The following GRAMD4 variants were observed in gnomAD, a reference collection of about 807,000 sequenced individuals.
The protein encoded by GRAMD4 is GRAM domain containing 4.
GRAMD4 carries 25 observed loss-of-function variants against 83.9 expected under a neutral mutation model. The observed-to-expected ratio is 0.30, with a 90% CI of 0.22 to 0.42. The LOEUF is 0.42. Among genes scored for constraint, GRAMD4 ranks in the 10% least tolerant of loss-of-function variants. GRAMD4 has a pLI of 1.00. For synonymous variants in GRAMD4, 336 were observed against 320.9 expected (o/e 1.05, Z -0.50); for missense variants, 593 against 788.7 (o/e 0.75, Z 2.97).
chr22:46,661,586 C>G (rs1439226922), intron 5 of GRAMD4, 144 bp downstream of exon 5: 1 of 643,344 alleles, frequency 1.6e-6, no homozygotes, highest in East Asian at 2.7e-5. Flanking sequence ...GGTTCTGTGC[C>G]CAGGCACCTG....
intron 14 of GRAMD4, 92 bp downstream of exon 14, chr22:46,673,089 C>A: frequency 1.0e-6 from 1 of 1,003,784 alleles, no homozygotes; most frequent in Non-Finnish European, 1.4e-6. Context: ...ACCTCCGGCT[C>A]ATTTAGAGGC....
intron 1 of GRAMD4, among the ~76,000 whole-genome samples, chr22:46,597,109 T>C (rs894104128): frequency 2.6e-5 from 4 of 152,146 alleles, no homozygotes; most frequent in Non-Finnish European, 2.9e-5. Flanking sequence ...TTGGGTCCTT[T>C]GGAGAGCTGC....
chr22:46,656,443 C>T (rs920668594), intron 3 of GRAMD4, among the ~76,000 whole-genome samples: 1 of 152,184 alleles, frequency 6.6e-6, no homozygotes, highest in African/African-American at 2.4e-5. Flanking sequence ...CTGGGCACGG[C>T]CCCCTGCTGT....
chr22:46,668,857 G>A lies in GRAMD4; in HGVS notation c.1033G>A (p.Ala345Thr). The change falls in exon 13 of 19, where the codon GCC becomes ACC. Residue 345 changes from alanine to threonine, a missense_variant. Ala to Thr is a moderately conservative substitution (Grantham distance 58). Transcript: ENST00000406902. ...TQKLYVALWA[A>T]FLASCFFPYR... ...GAAGCTGTATGTGGCGCTCTGGGCTGCCTTCCTGGCCTCCTGCTTCTTCCC... is the reference window on the plus strand; with the variant it reads ...GAAGCTGTATGTGGCGCTCTGGGCTACCTTCCTGGCCTCCTGCTTCTTCCC... 6.2e-7 allele frequency: 1 copy of A among 1,612,790 alleles called. No individual in the cohort carries two copies. The highest frequency in any genetic ancestry group is 1.6e-4 in the Middle Eastern group (1 of 6,062).
intron 2 of GRAMD4, among the ~76,000 whole-genome samples, chr22:46,633,677 A>G (rs1364605927): frequency 6.6e-6 from 1 of 152,200 alleles, no homozygotes; most frequent in Non-Finnish European, 1.5e-5. Context: ...CTGCCTTGTC[A>G]CCAAGAAGAA....
Position 46,677,261 on chromosome 22 carries a change from G to C in GRAMD4, c.*10G>C. The C allele has an allele frequency of 6.3e-7, 1 of 1,580,302 alleles. No homozygotes were observed. Among genetic ancestry groups the C allele is most frequent in the Non-Finnish European group, 8.5e-7 (1 of 1,171,314 alleles). Reference sequence around the variant, plus strand: ...TGGCGGGGACAGCTAGTATTGACTTGCCCAGGACGTTGCTGGAATTTTCTT... The same window carrying C: ...TGGCGGGGACAGCTAGTATTGACTTCCCCAGGACGTTGCTGGAATTTTCTT... On this transcript the variant is annotated 3_prime_UTR_variant, in exon 19 of 19. Transcript: ENST00000406902.
intron 3 of GRAMD4, among the ~76,000 whole-genome samples, chr22:46,647,884 A>C (rs576016496): frequency 6.6e-6 from 1 of 152,370 alleles, no homozygotes; most frequent in African/African-American, 2.4e-5. Context: ...GTACTGATGC[A>C]GCAGTTGGCA....
rs545054474 is a variant in GRAMD4 at position 46,678,004 on chromosome 22, C to T, written c.*753C>T. Reference sequence around the variant, plus strand: ...GCCTGCTGCTCTCGGCCTGACACGCCGGCCAGGAGGTCTGTAGCTGGGGAC... The same window carrying T: ...GCCTGCTGCTCTCGGCCTGACACGCTGGCCAGGAGGTCTGTAGCTGGGGAC... On this transcript the variant is annotated 3_prime_UTR_variant, in exon 19 of 19. Transcript: ENST00000406902. The T allele has an allele frequency of 7.3e-5, 72 of 985,706 alleles. No individual in the cohort carries two copies. The highest frequency in any genetic ancestry group is 5.2e-4 in the Middle Eastern group (1 of 1,914). The allele number at this position is 985,706 out of a possible 1,614,324, so 61.1% of individuals were successfully genotyped here.
intron 4 of GRAMD4, among the ~76,000 whole-genome samples, chr22:46,660,114 A>G (rs566112740): frequency 6.6e-6 from 1 of 152,278 alleles, no homozygotes; most frequent in East Asian, 1.9e-4. Flanking sequence ...TCTGGTCCTC[A>G]TCTTTTACCA....
intron 2 of GRAMD4, among the ~76,000 whole-genome samples, chr22:46,631,086 T>A (rs2081768643): frequency 6.6e-6 from 1 of 152,266 alleles, no homozygotes; most frequent in Non-Finnish European, 1.5e-5. Context: ...TGCACGGCTT[T>A]TATTGTGCAG....
intron 3 of GRAMD4, among the ~76,000 whole-genome samples, chr22:46,654,808 C>T (rs777520003): frequency 2.6e-5 from 4 of 152,298 alleles, no homozygotes; most frequent in Admixed American, 1.3e-4. Context: ...ATGGTGACAC[C>T]GGGGTGGTCC....
At chr22:46,645,801 A>G (rs1021075754) in intron 3 of GRAMD4, among the ~76,000 whole-genome samples, 7 of 152,186 alleles carry the variant, frequency 4.6e-5, no homozygotes, top group Non-Finnish European at 1.0e-4. Flanking sequence ...TAAAAGCATC[A>G]TGCGTTTTTA....
Position 46,668,895 on chromosome 22 carries a change from G to T in GRAMD4, c.1071G>T (p.Val357=). 6.2e-7 allele frequency: 1 copy of T among 1,603,874 alleles called. No individual in the cohort carries two copies. The highest frequency in any genetic ancestry group is 8.5e-7 in the Non-Finnish European group (1 of 1,172,206). ...LASCFFPYRL[V]GLAVGLYAGI... The stretch of plus-strand genomic sequence containing the variant: ...CCTGCTTCTTCCCCTACCGCCTGGT[G>T]GGGCTTGCCGTGGGTAAGTAGATGC... Residue 357 remains valine (V), a synonymous_variant, in exon 13 of 19, where the codon GTG becomes GTT. Coordinates refer to ENST00000406902, the MANE Select transcript of GRAMD4 (RefSeq NM_015124.5).
chr22:46,675,568 CACCCCCACTA>C lies in GRAMD4; in HGVS notation c.1563+23_1563+32del. On this transcript the variant is annotated intron_variant, in intron 17 of 18. Coordinates refer to ENST00000406902, the MANE Select transcript of GRAMD4 (RefSeq NM_015124.5). Reference sequence around the variant, plus strand: ...CATCCAGAAGGTTGGTGCACCTACCCACCCCCACTAACCCCCGTGTTTTCTTCGTCACCTG... The same window carrying C: ...CATCCAGAAGGTTGGTGCACCTACCCACCCCCGTGTTTTCTTCGTCACCTG... 2 of 1,510,572 alleles carry C rather than the reference CACCCCCACTA, an allele frequency of 1.3e-6. No homozygotes were observed. The highest frequency in any genetic ancestry group is 1.8e-6 in the Non-Finnish European group (2 of 1,085,808). The allele number at this position is 1,510,572 out of a possible 1,614,324, so 93.6% of individuals were successfully genotyped here. A position where few individuals can be genotyped will look rare whatever the true frequency, so the allele number is the denominator to read the frequency against.
At position 46,673,752 on chromosome 22, in the gene GRAMD4, G is replaced by A; in HGVS notation, c.1322G>A (p.Ser441Asn). The stretch of plus-strand genomic sequence containing the variant: ...GAGGAGGACGCCGGTCGCTTCCACA[G>A]CACCAAGAAGGGCAATTTCCACGAG... ...GKEEDAGRFH[S>N]TKKGNFHEIF... The change falls in exon 15 of 19, where the codon AGC (serine) becomes AAC (asparagine). Residue 441 changes from serine to asparagine, a missense_variant. Ser to Asn is a conservative substitution (Grantham distance 46). Transcript: ENST00000406902. 6.2e-7 allele frequency: 1 copy of A among 1,613,036 alleles called. No homozygotes were observed. Among genetic ancestry groups the A allele is most frequent in the Non-Finnish European group, 8.5e-7 (1 of 1,179,942 alleles).
At position 46,678,798 on chromosome 22, in the gene GRAMD4, G is replaced by A. The variant is rs2082635749; in HGVS notation, c.*1547G>A. 1 of 986,230 alleles carries A rather than the reference G, an allele frequency of 1.0e-6. No individual in the cohort carries two copies. The highest frequency in any genetic ancestry group is 4.7e-5 in the South Asian group (1 of 21,298). The allele number at this position is 986,230 out of a possible 1,614,324, so 61.1% of individuals were successfully genotyped here. ...GCTGGTTTCACCCCCTTCACGAGGG[G>A]CCGCAGAGTCACACGCTGGTGCCGG... On this transcript the variant is annotated 3_prime_UTR_variant, in exon 19 of 19. Transcript: ENST00000406902.
intron 2 of GRAMD4, among the ~76,000 whole-genome samples, chr22:46,634,050 T>C (rs2081820356): frequency 6.6e-6 from 1 of 152,212 alleles, no homozygotes; most frequent in South Asian, 2.1e-4. Context: ...ACAGGCCCAC[T>C]GGCCCCAGGC....
At chr22:46,624,648 G>A (rs575661176) in intron 1 of GRAMD4, among the ~76,000 whole-genome samples, 3 of 152,146 alleles carry the variant, frequency 2.0e-5, no homozygotes, top group Admixed American at 6.5e-5. Context: ...TTTAAGGTTT[G>A]TGTGTTTTTA....
upstream of GRAMD4, among the ~76,000 whole-genome samples, chr22:46,616,552 A>G (rs2081498535): frequency 8.2e-6 from 1 of 122,128 alleles, no homozygotes; most frequent in Non-Finnish European, 1.7e-5. Flanking sequence ...CCGTGTGTGC[A>G]GGTTCCCCTG....
Sources: allele counts gnomAD v4.1 joint callset (sites outside exome capture counted in the v4.1 genomes callset), GRCh38; gene constraint gnomAD v4.1.1; transcripts MANE v1.5; gene names NCBI Gene and HGNC (gene_info 2026-07-23, HGNC 2026-07-21).